PCDHA6: variants seen among roughly 807,000 people sequenced by gnomAD.
The protein encoded by PCDHA6 is protocadherin alpha-6.
PCDHA6 carries 55 observed loss-of-function variants against 60.3 expected under a neutral mutation model. That is an observed-to-expected ratio of 0.91 (90% confidence interval 0.73 to 1.14). The LOEUF (loss-of-function observed/expected upper bound fraction) is 1.14. Ranked by LOEUF, PCDHA6 falls within the 50% of genes most tolerant of loss-of-function variation. The pLI is 0.00. For synonymous variants in PCDHA6, 652 were observed against 557.9 expected (o/e 1.17, Z -2.38); for missense variants, 1,327 against 1,256.5 (o/e 1.06, Z -0.85).
intron 3 of PCDHA6, among the ~76,000 whole-genome samples, chr5:140,997,683 T>C (rs782444752): frequency 6.6e-6 from 1 of 152,044 alleles, no homozygotes; most frequent in Non-Finnish European, 1.5e-5. Context: ...TGTGTGTGTG[T>C]GTGTGTGTGT....
At chr5:140,861,384 C>A in intron 1 of PCDHA6, 1 of 437,328 alleles carries the variant, frequency 2.3e-6, no homozygotes, top group Non-Finnish European at 4.7e-6. Flanking sequence ...TGCGCAGGAC[C>A]TGGGTCTGGA....
chr5:140,963,770 C>T (rs1296794666), intron 1 of PCDHA6, among the ~76,000 whole-genome samples: 2 of 152,176 alleles, frequency 1.3e-5, no homozygotes, highest in Non-Finnish European at 2.9e-5. Context: ...TATTTCATGA[C>T]GACAGCAACA....
At chr5:140,941,198 TCTTC>T (rs202127003) in intron 1 of PCDHA6, among the ~76,000 whole-genome samples, 9,614 of 119,776 alleles carry the variant, frequency 0.08, 511 homozygotes, top group Non-Finnish European at 0.089. Context: ...TTTTTTTCTT[TCTTC>T]CTTTCTTTCT....
At chr5:140,885,917 T>G (rs2060772831) in intron 1 of PCDHA6, among the ~76,000 whole-genome samples, 1 of 152,212 alleles carries the variant, frequency 6.6e-6, no homozygotes, top group Non-Finnish European at 1.5e-5. Flanking sequence ...TTATAGATAT[T>G]AACTGTTTAT....
intron 1 of PCDHA6, among the ~76,000 whole-genome samples, chr5:140,977,260 T>C (rs2096752693): frequency 6.6e-6 from 1 of 152,226 alleles, no homozygotes. Flanking sequence ...TCTCAGCAGA[T>C]GTTACAGTCT....
intron 1 of PCDHA6, among the ~76,000 whole-genome samples, chr5:140,935,745 T>C (rs564797649): frequency 6.6e-6 from 1 of 152,324 alleles, no homozygotes; most frequent in South Asian, 2.1e-4. Flanking sequence ...TATTATTCCA[T>C]ACAATACACA....
intron 1 of PCDHA6, among the ~76,000 whole-genome samples, chr5:140,917,087 C>G (rs1275905052): frequency 6.6e-6 from 1 of 152,100 alleles, no homozygotes; most frequent in Non-Finnish European, 1.5e-5. Flanking sequence ...GTAAAGTTCC[C>G]CAGTTGCTGT....
At chr5:140,831,247 T>C (rs752027104) in intron 1 of PCDHA6, 1 of 152,234 alleles carries the variant, frequency 6.6e-6, no homozygotes, top group Admixed American at 6.6e-5. Flanking sequence ...TGCGGCTCTC[T>C]TATTTCTGTT....
chr5:140,829,825 C>A lies in PCDHA6; in HGVS notation c.1734C>A (p.Ser578Arg). The A allele has an allele frequency of 6.2e-7, 1 of 1,613,864 alleles. No homozygotes were observed. Among genetic ancestry groups the A allele is most frequent in the African/African-American group, 1.3e-5 (1 of 75,048 alleles). ...PRVGGTGGAV[S>R]ELVPRSLGAG... The stretch of plus-strand genomic sequence containing the variant: ...TGGGTGGTACTGGTGGTGCAGTGAG[C>A]GAGCTGGTGCCGCGGTCACTGGGTG... The change falls in exon 1 of 4, where the codon AGC becomes AGA. Residue 578 changes from serine to arginine, a missense_variant. Ser to Arg is a moderately radical substitution (Grantham distance 110, BLOSUM62 -1). Transcript: ENST00000529310.
At chr5:140,930,616 G>T (rs2086997332) in intron 1 of PCDHA6, among the ~76,000 whole-genome samples, 2 of 152,154 alleles carry the variant, frequency 1.3e-5, no homozygotes, top group African/African-American at 4.8e-5. Context: ...TGCAAGAGAA[G>T]GAGGTGTGTA....
At chr5:140,854,143 C>CA (rs1554147026) in intron 1 of PCDHA6, 3 of 432,586 alleles carry the variant, frequency 6.9e-6, no homozygotes, top group Non-Finnish European at 8.7e-6. Flanking sequence ...GCCCGGGTGA[C>CA]AGCAAGATTC....
intron 1 of PCDHA6, chr5:140,855,912 G>C: frequency 1.7e-6 from 2 of 1,172,642 alleles, no homozygotes; most frequent in Non-Finnish European, 2.4e-6. Flanking sequence ...GTTTCTCAAG[G>C]ACTAGGAAGT....
intron 3 of PCDHA6, among the ~76,000 whole-genome samples, chr5:140,993,190 CTCACTAAAGCTAATTTTTT>C (rs2097544277): frequency 6.6e-6 from 1 of 152,022 alleles, no homozygotes; most frequent in Non-Finnish European, 1.5e-5. Flanking sequence ...TAGAGGGAAA[CTCACTAAAGCTAATTTTTT>C]TAGCTTTTTG....
At chr5:140,966,825 T>C in intron 1 of PCDHA6, 3 of 1,560,026 alleles carry the variant, frequency 1.9e-6, no homozygotes, top group Non-Finnish European at 2.6e-6. Flanking sequence ...CGGCGGCCCA[T>C]GCCCTGGCTG....
intron 1 of PCDHA6, among the ~76,000 whole-genome samples, chr5:140,854,874 G>A (rs1554147476): frequency 6.7e-6 from 1 of 149,752 alleles, no homozygotes; most frequent in African/African-American, 2.4e-5. Context: ...TCAGAACTGT[G>A]TCTTTTGGGC....
rs2150311010 is a variant in PCDHA6 at position 140,841,095 on chromosome 5, A to G, written c.2394+10610A>G. On this transcript the variant is annotated intron_variant, in intron 1 of 3. Transcript: ENST00000529310. ...ATAGAAAGTGCATAGAAGAACCCAGATATTGCGGAAGTAATTCATGTAATC... is the reference window on the plus strand; with the variant it reads ...ATAGAAAGTGCATAGAAGAACCCAGGTATTGCGGAAGTAATTCATGTAATC... The G allele has an allele frequency of 8.8e-5, 50 of 569,466 alleles. 1 individual carries two copies. The highest frequency in any genetic ancestry group is 1.5e-4 in the Non-Finnish European group (49 of 329,750). The allele number at this position is 569,466 out of a possible 1,614,324, so 35.3% of individuals were successfully genotyped here. A position where few individuals can be genotyped will look rare whatever the true frequency, so the allele number is the denominator to read the frequency against.
intron 1 of PCDHA6, among the ~76,000 whole-genome samples, chr5:140,838,153 G>A (rs2150285429): frequency 3.7e-5 from 5 of 135,362 alleles, no homozygotes; most frequent in Admixed American, 1.5e-4. Flanking sequence ...TTACTCTGTC[G>A]CCCTCTCTGG....
Position 140,953,939 on chromosome 5 carries a change from A to G in PCDHA6, c.2395-25010A>G, listed in dbSNP as rs544318515. ...TATTCTTCCTGATGCTCTCCCTCCCATTGCTCCCCCAACAGGCCCCAGTGT... is the reference window on the plus strand; with the variant it reads ...TATTCTTCCTGATGCTCTCCCTCCCGTTGCTCCCCCAACAGGCCCCAGTGT... On this transcript the variant is annotated intron_variant, in intron 1 of 3. Coordinates refer to ENST00000529310, the MANE Select transcript of PCDHA6 (RefSeq NM_018909.4). Among the ~76,000 whole-genome samples the G allele has an allele frequency of 2.8e-3, 420 of 151,700 alleles. 4 individuals carry two copies. The highest frequency in any genetic ancestry group is 4.8e-3 in the Non-Finnish European group (324 of 67,900).
At position 140,941,204 on chromosome 5, in the gene PCDHA6, TTTCTTTCTTC is replaced by T. The variant is rs1554213952; in HGVS notation, c.2395-37744_2395-37735del. Among the ~76,000 whole-genome samples, 512 of 88,682 alleles carry T rather than the reference TTTCTTTCTTC, an allele frequency of 5.8e-3. 4 individuals are homozygous for T. Among genetic ancestry groups the T allele is most frequent in the African/African-American group, 0.011 (178 of 16,048 alleles). The allele number at this position is 88,682 out of a possible 152,430, so 58.2% of individuals were successfully genotyped here. ...CTGCTTCTTTTTTTTTCTTTCTTCC[TTTCTTTCTTC>T]CTTTCTTTCTTTCTTTCTTTCTTTC... On this transcript the variant is annotated intron_variant, in intron 1 of 3. Coordinates refer to ENST00000529310, the MANE Select transcript of PCDHA6 (RefSeq NM_018909.4).
Sources: allele counts gnomAD v4.1 joint callset (sites outside exome capture counted in the v4.1 genomes callset), GRCh38; gene constraint gnomAD v4.1.1; transcripts MANE v1.5; gene names NCBI Gene and HGNC (gene_info 2026-07-23, HGNC 2026-07-21).